MYO1H: variants seen among roughly 807,000 people sequenced by gnomAD.
MYO1H encodes myosin IH, also known as unconventional myosin-Ih.
In MYO1H, 118 loss-of-function variants were observed where a neutral mutation model predicts 149.3. The observed-to-expected ratio is 0.79, with a 90% confidence interval of 0.68 to 0.92. MYO1H has a LOEUF of 0.92. Ranked by LOEUF, MYO1H falls within the 40% of genes least tolerant of loss-of-function variation. The pLI is 0.00. For synonymous variants in MYO1H, 447 were observed against 465.2 expected, an observed-to-expected ratio of 0.96 and a Z score of 0.50; for missense variants, 1,212 against 1,280.7, an observed-to-expected ratio of 0.95 and a Z score of 0.82.
chr12:109,319,700 T>C, the MYO1H span, among the ~76,000 whole-genome samples: 6 of 152,244 alleles, frequency 3.9e-5, no homozygotes, highest in Admixed American at 2.0e-4. Flanking sequence ...GTTAAAGACA[T>C]TTGGGGCTGG....
intron 1 of MYO1H, among the ~76,000 whole-genome samples, chr12:109,371,074 G>GGT (rs1342339905): frequency 1.3e-5 from 2 of 152,140 alleles, no homozygotes; most frequent in Non-Finnish European, 2.9e-5. Flanking sequence ...AGAGCTAACA[G>GGT]GTATATATAA....
At chr12:109,379,126 C>T (rs1869148767) in intron 1 of MYO1H, among the ~76,000 whole-genome samples, 1 of 152,198 alleles carries the variant, frequency 6.6e-6, no homozygotes, top group African/African-American at 2.4e-5. Flanking sequence ...TCCTCAGCCT[C>T]ACCACATTTC....
intron 4 of MYO1H, 80 bp from the exon 5 acceptor site, chr12:109,397,652 A>T: frequency 9.0e-7 from 1 of 1,114,410 alleles, no homozygotes; most frequent in Admixed American, 2.7e-5. Context: ...CCATTTTTGT[A>T]ATAAGTGTAT....
At chr12:109,319,142 T>C in the MYO1H span, among the ~76,000 whole-genome samples, 2 of 152,046 alleles carry the variant, frequency 1.3e-5, no homozygotes, top group Non-Finnish European at 2.9e-5. Context: ...ATAGCAGCAT[T>C]ATTCACAATA....
the MYO1H span, among the ~76,000 whole-genome samples, chr12:109,330,452 G>A: frequency 1.3e-5 from 2 of 152,178 alleles, no homozygotes; most frequent in African/African-American, 4.8e-5. Flanking sequence ...TGTCTCGCAA[G>A]GTTACTCCTG....
At chr12:109,431,545 T>C (rs559576968) in intron 19 of MYO1H, among the ~76,000 whole-genome samples, 1 of 152,332 alleles carries the variant, frequency 6.6e-6, no homozygotes, top group African/African-American at 2.4e-5. Flanking sequence ...TTACTGTTCA[T>C]GTCACACAGG....
intron 1 of MYO1H, among the ~76,000 whole-genome samples, chr12:109,380,826 G>A (rs893697570): frequency 9.9e-5 from 15 of 152,066 alleles, no homozygotes; most frequent in Admixed American, 7.9e-4. Flanking sequence ...CGCACCAGTA[G>A]TCCCAACTAC....
intron 6 of MYO1H, among the ~76,000 whole-genome samples, chr12:109,403,119 A>G (rs1176098793): frequency 6.6e-6 from 1 of 152,168 alleles, no homozygotes; most frequent in Non-Finnish European, 1.5e-5. Context: ...ATTTGCATAA[A>G]CCCATCCCTT....
At chr12:109,370,360 T>C (rs1868955886) in intron 1 of MYO1H, among the ~76,000 whole-genome samples, 1 of 152,210 alleles carries the variant, frequency 6.6e-6, no homozygotes, top group Non-Finnish European at 1.5e-5. Context: ...ATCTCTATCA[T>C]GCCAAGGTCC....
At chr12:109,396,867 C>T (rs1283451632) in intron 4 of MYO1H, among the ~76,000 whole-genome samples, 3 of 131,612 alleles carry the variant, frequency 2.3e-5, no homozygotes, top group Non-Finnish European at 4.7e-5. Flanking sequence ...CTCTCCGTCA[C>T]CCAGGCCTGG....
the MYO1H span, among the ~76,000 whole-genome samples, chr12:109,323,975 G>C: frequency 6.7e-6 from 1 of 150,120 alleles, no homozygotes; most frequent in African/African-American, 2.5e-5. Context: ...GCCTGAGTTT[G>C]AAATTAGTCT....
At chr12:109,392,677 C>G (rs1219425258) in intron 2 of MYO1H, among the ~76,000 whole-genome samples, 1 of 151,994 alleles carries the variant, frequency 6.6e-6, no homozygotes, top group African/African-American at 2.4e-5. Context: ...GATCGAGCCA[C>G]TGCACTCCAG....
At position 109,378,825 on chromosome 12, in the gene MYO1H, G is replaced by A. The variant is rs149967273; in HGVS notation, c.13-9858G>A. 1.6e-3 allele frequency among the ~76,000 whole-genome samples: 248 copies of A among 152,158 alleles called. 1 individual carries two copies. The highest frequency in any genetic ancestry group is 5.4e-3 in the African/African-American group (223 of 41,526). ...GGAGGGATAGGGGTGGGTGTGAAGT[G>A]GTATCTCATTGTGGTTTTGAGTTGC... On this transcript the variant is annotated intron_variant, in intron 1 of 31. Transcript: ENST00000310903.
the MYO1H span, among the ~76,000 whole-genome samples, chr12:109,335,140 C>T: frequency 6.6e-6 from 1 of 152,154 alleles, no homozygotes; most frequent in Non-Finnish European, 1.5e-5. Flanking sequence ...TAATATGTCA[C>T]ATTTTATTTA....
intron 1 of MYO1H, among the ~76,000 whole-genome samples, chr12:109,356,600 C>A (rs1868611113): frequency 6.6e-6 from 1 of 151,896 alleles, no homozygotes; most frequent in South Asian, 2.1e-4. Context: ...GTTTTTTAAC[C>A]CTCTATTTAT....
At chr12:109,415,505 G>A (rs757540409) in intron 14 of MYO1H, 21 bp from the exon 15 acceptor site, 36 of 1,582,164 alleles carry the variant, frequency 2.3e-5, no homozygotes, top group East Asian at 4.6e-5. Context: ...AGTTCAACTC[G>A]TGTCTATTTC....
At chr12:109,438,074 C>G (rs1178602207) in intron 22 of MYO1H, among the ~76,000 whole-genome samples, 2 of 112,406 alleles carry the variant, frequency 1.8e-5, no homozygotes, top group Non-Finnish European at 3.3e-5. Flanking sequence ...GGCGACAGAG[C>G]AAGGCTCTGT....
chr12:109,368,486 C>A (rs541506271), intron 1 of MYO1H, among the ~76,000 whole-genome samples: 2 of 152,006 alleles, frequency 1.3e-5, no homozygotes, highest in East Asian at 1.9e-4. Flanking sequence ...TGAAACCCAA[C>A]CTCTACTAAA....
chr12:109,316,610 C>A, the MYO1H span, among the ~76,000 whole-genome samples: 1 of 152,162 alleles, frequency 6.6e-6, no homozygotes, highest in African/African-American at 2.4e-5. Flanking sequence ...TGTGAAATTG[C>A]AGATTAATCC....
Sources: allele counts gnomAD v4.1 joint callset (sites outside exome capture counted in the v4.1 genomes callset), GRCh38; gene constraint gnomAD v4.1.1; transcripts MANE v1.5; gene names NCBI Gene and HGNC (gene_info 2026-07-23, HGNC 2026-07-21).